The following CD22 variants were observed in gnomAD, a reference collection of about 807,000 sequenced individuals.
The protein encoded by CD22 is CD22 molecule.
In CD22, 51 loss-of-function variants were observed where a neutral mutation model predicts 94.7. The ratio of observed to expected loss-of-function variants is 0.54; its 90% CI spans 0.43 to 0.68. CD22 has a LOEUF of 0.68. CD22 is among the 30% of genes least tolerant of loss of function. CD22 has a pLI of 0.00. For missense variants in CD22, 931 were observed against 1,060.4 expected (o/e 0.88, Z 1.69); for synonymous variants, 424 against 422.5 (o/e 1.00, Z -0.04).
chr19:35,345,623 G>C lies in CD22; in HGVS notation c.2230G>C (p.Glu744Gln), dbSNP rs1333971866. 1 of 1,611,928 alleles carries C rather than the reference G, an allele frequency of 6.2e-7. No individual in the cohort carries two copies. The highest frequency in any genetic ancestry group is 1.7e-5 in the Admixed American group (1 of 59,986). ...CCAGGTTAGAAGGGCCCCCCTCTCTGAAGGCCCCCACTCCCTGGGATGCTA... is the reference window on the plus strand; with the variant it reads ...CCAGGTTAGAAGGGCCCCCCTCTCTCAAGGCCCCCACTCCCTGGGATGCTA... The part of the protein sequence containing the change: ...NKKVRRAPLS[E>Q]GPHSLGCYNP... Residue 744 changes from glutamate to glutamine, a missense_variant, in exon 12 of 14, where the codon GAA becomes CAA. Coordinates refer to ENST00000085219, the MANE Select transcript of CD22 (RefSeq NM_001771.4).
chr19:35,336,044 T>C lies in CD22; in HGVS notation c.421T>C (p.Phe141Leu). The C allele has an allele frequency of 6.2e-7, 1 of 1,613,050 alleles. No individual in the cohort carries two copies. Among genetic ancestry groups the C allele is most frequent in the South Asian group, 1.1e-5 (1 of 91,014 alleles). The change falls in exon 4 of 14, where the codon TTT becomes CTT. Residue 141 changes from phenylalanine to leucine, a missense_variant. Coordinates refer to ENST00000085219, the MANE Select transcript of CD22 (RefSeq NM_001771.4). The part of the protein sequence containing the change: ...RIHLNVSERP[F>L]PPHIQLPPEI... ...GCTCTGTTCTTTTGCAGAAAGGCCT[T>C]TTCCACCTCATATCCAGCTCCCTCC...
intron 6 of CD22, among the ~76,000 whole-genome samples, 164 bp from the exon 7 acceptor site, chr19:35,340,717 T>A (rs2145668932): frequency 6.6e-6 from 1 of 152,302 alleles, no homozygotes; most frequent in South Asian, 2.1e-4. Context: ...CAGGGCAGGG[T>A]TTCTGTTCTC....
In CD22 at chr19:35,332,685, T is replaced by C; in HGVS notation, c.173T>C (p.Leu58Pro). 1 of 1,614,178 alleles carries C rather than the reference T, an allele frequency of 6.2e-7. No individual in the cohort carries two copies. The highest frequency in any genetic ancestry group is 8.5e-7 in the Non-Finnish European group (1 of 1,180,042). The change falls in exon 3 of 14, where the codon CTG becomes CCG. Residue 58 changes from leucine to proline, a missense_variant. Physicochemically the swap from Leu to Pro is moderately conservative, Grantham distance 98 (BLOSUM62 -3). Transcript: ENST00000085219. Reference sequence around the variant, plus strand: ...GATGGTGACCTGGAAAGCTTCATCCTGTTCCACAATCCTGAGTATAACAAG... The same window carrying C: ...GATGGTGACCTGGAAAGCTTCATCCCGTTCCACAATCCTGAGTATAACAAG... ...ALDGDLESFI[L>P]FHNPEYNKNT...
Position 35,347,059 on chromosome 19 carries a change from A to C in CD22, c.*362A>C. 1 of 196,446 alleles carries C rather than the reference A, an allele frequency of 5.1e-6. No individual in the cohort carries two copies. Among genetic ancestry groups the C allele is most frequent in the South Asian group, 9.4e-5 (1 of 10,672 alleles). The allele number at this position is 196,446 out of a possible 1,614,324, so 12.2% of individuals were successfully genotyped here. A position where few individuals can be genotyped will look rare whatever the true frequency, so the allele number is the denominator to read the frequency against. On this transcript the variant is annotated 3_prime_UTR_variant, in exon 14 of 14. Coordinates refer to ENST00000085219, the MANE Select transcript of CD22 (RefSeq NM_001771.4). The stretch of plus-strand genomic sequence containing the variant: ...TCCCTCCTGGGATCTGCTCGTCATC[A>C]TTTTTCCTTCCCTTCTCCATCTCTC...
chr19:35,346,798 GCGCA>G lies in CD22; in HGVS notation c.*103_*106del. 1 of 1,037,972 alleles carries G rather than the reference GCGCA, an allele frequency of 9.6e-7. No individual in the cohort carries two copies. 64.3% of individuals were successfully genotyped at this position (1,037,972 alleles called of 1,614,324 possible). On this transcript the variant is annotated 3_prime_UTR_variant, in exon 14 of 14. Coordinates refer to ENST00000085219, the MANE Select transcript of CD22 (RefSeq NM_001771.4). ...ACATGGCTTCCTCCTGCGCGCATGT[GCGCA>G]CACACACACACACACGCACACACAC...
chr19:35,344,186 ACT>A (rs2066863716), intron 9 of CD22, among the ~76,000 whole-genome samples: 1 of 120,812 alleles, frequency 8.3e-6, no homozygotes, highest in East Asian at 3.2e-4. Context: ...AAAGAGCGAG[ACT>A]CTGTCTCAAT....
Position 35,337,347 on chromosome 19 carries a change from G to T in CD22, c.719-408G>T, listed in dbSNP as rs151040060. Among the ~76,000 whole-genome samples, 5 of 152,312 alleles carry T rather than the reference G, an allele frequency of 3.3e-5. No individual in the cohort carries two copies. In the East Asian group the frequency reaches 9.7e-4, roughly 29 times the overall value. ...GGATTTCAGGGAAAGAGAAGGGCAG[G>T]TTCAAAGCTTTGAGGCAGCAGCTGG... On this transcript the variant is annotated intron_variant, in intron 4 of 13. Coordinates refer to ENST00000085219, the MANE Select transcript of CD22 (RefSeq NM_001771.4). This position sits in a 1 kb window ranked among gnomAD's most constrained non-coding sequence, Gnocchi z 4.4.
At position 35,329,191 on chromosome 19, in the gene CD22, G is replaced by T; in HGVS notation, c.-62G>T. ...TGTACTTCTCCTTTTGCTCTCAGAT[G>T]CTGCCAGGGTCCCTGAAGAGGGAAG... On this transcript the variant is annotated 5_prime_UTR_variant, in exon 1 of 14. The change abolishes an upstream ATG in the 5' untranslated region. Transcript: ENST00000085219. 3.9e-6 allele frequency: 5 copies of T among 1,289,560 alleles called. No individual in the cohort carries two copies. Among genetic ancestry groups the T allele is most frequent in the Non-Finnish European group, 4.0e-6 (4 of 988,654 alleles). The allele number at this position is 1,289,560 out of a possible 1,614,324, so 79.9% of individuals were successfully genotyped here. A position where few individuals can be genotyped will look rare whatever the true frequency, so the allele number is the denominator to read the frequency against.
Position 35,333,129 on chromosome 19 carries a change from TCTGGGAC to T in CD22, c.412+210_412+216del, listed in dbSNP as rs998164300. 2.0e-5 allele frequency: 11 copies of T among 549,164 alleles called. No homozygotes were observed. The African/African-American group carries it at 2.1e-4, about 10-fold the overall frequency. The allele number at this position is 549,164 out of a possible 1,614,324, so 34.0% of individuals were successfully genotyped here. A position where few individuals can be genotyped will look rare whatever the true frequency, so the allele number is the denominator to read the frequency against. The stretch of plus-strand genomic sequence containing the variant: ...CCATCTGACCCTCAGTTCCTGCCCC[TCTGGGAC>T]CTGGATTCCAAAGTTATCGGATCTC... On this transcript the variant is annotated intron_variant, in intron 3 of 13. Transcript: ENST00000085219.
rs2066804648 is a variant in CD22, at chr19:35,341,319, C to T, written c.1508-24C>T. Reference sequence around the variant, plus strand: ...CAAAAGGGACAGGGAGCGGAGAGGTCAGCTTGGGACCCTTGCCCTCCAGAT... The same window carrying T: ...CAAAAGGGACAGGGAGCGGAGAGGTTAGCTTGGGACCCTTGCCCTCCAGAT... On this transcript the variant is annotated intron_variant, in intron 7 of 13. Transcript: ENST00000085219. This position sits in a 1 kb window ranked among gnomAD's most constrained non-coding sequence, Gnocchi z 4.0. The T allele has an allele frequency of 1.2e-6, 2 of 1,609,656 alleles. No homozygotes were observed. The highest frequency in any genetic ancestry group is 2.2e-5 in the South Asian group (2 of 90,938).
rs1426372127 is a variant in CD22 at position 35,332,797 on chromosome 19, G to C, written c.285G>C (p.Leu95=). 3.7e-6 allele frequency: 6 copies of C among 1,614,198 alleles called. No homozygotes were observed. The highest frequency in any genetic ancestry group is 5.1e-6 in the Non-Finnish European group (6 of 1,180,026). ...VPSEQKRVQF[L]GDKNKNCTLS... is the part of the protein sequence containing the mutation. ...CTGAGCAGAAAAGGGTGCAATTCCT[G>C]GGAGACAAGAATAAGAACTGCACAC... Residue 95 remains leucine, a synonymous_variant, in exon 3 of 14, where the codon CTG becomes CTC. Transcript: ENST00000085219.
At chr19:35,331,673 A>AC in intron 1 of CD22, 1 of 248,790 alleles carries the variant, frequency 4.0e-6, no homozygotes, top group East Asian at 1.2e-4. Context: ...ACATGGTGAA[A>AC]CCCCATCTCT....
chr19:35,345,488 G>T (rs752897585), intron 11 of CD22, 114 bp from the exon 12 acceptor site: 1 of 674,920 alleles, frequency 1.5e-6, no homozygotes, highest in Non-Finnish European at 2.6e-6. Flanking sequence ...GGGGAAACAA[G>T]GTGAAGGAAG....
rs2066743680 is a variant in CD22 at position 35,337,617 on chromosome 19, C to T, written c.719-138C>T. On this transcript the variant is annotated intron_variant, in intron 4 of 13. Transcript: ENST00000085219. This position sits in a 1 kb window ranked among gnomAD's most constrained non-coding sequence, Gnocchi z 4.4. Reference sequence around the variant, plus strand: ...GGAAGTGGGAGGGGGAAGCTGAGAGCCGAGTTAGGAGGCTGTGACCATCAC... The same window carrying T: ...GGAAGTGGGAGGGGGAAGCTGAGAGTCGAGTTAGGAGGCTGTGACCATCAC... The T allele has an allele frequency of 1.4e-6, 1 of 725,804 alleles. No homozygotes were observed. Among genetic ancestry groups the T allele is most frequent in the Non-Finnish European group, 2.2e-6 (1 of 453,190 alleles). 45.0% of individuals were successfully genotyped at this position (725,804 alleles called of 1,614,324 possible). A position where few individuals can be genotyped will look rare whatever the true frequency, so the allele number is the denominator to read the frequency against.
rs1299901420 is a variant in CD22 at position 35,338,014 on chromosome 19, A to G, written c.978A>G (p.Gln326=). The G allele has an allele frequency of 1.9e-6, 3 of 1,609,446 alleles. 1 individual carries two copies. In the South Asian group the frequency reaches 3.3e-5, roughly 18 times the overall value. Residue 326 remains glutamine, a synonymous_variant, in exon 5 of 14, where the codon CAA becomes CAG. Transcript: ENST00000085219. The part of the protein sequence containing the change: ...GPGRSEEVFL[Q]VQYAPEPSTV... Reference sequence around the variant, plus strand: ...GAAGGTCGGAAGAAGTGTTCCTGCAAGTGCAGTGTGAGCCCCTCGGAGCTG... The same window carrying G: ...GAAGGTCGGAAGAAGTGTTCCTGCAGGTGCAGTGTGAGCCCCTCGGAGCTG...
chr19:35,341,739 G>A lies in CD22; in HGVS notation c.1809G>A (p.Gly603=), dbSNP rs1168060642. The change falls in exon 9 of 14, where the codon GGG becomes GGA. Residue 603 remains glycine (G), a synonymous_variant. Transcript: ENST00000085219. This position sits in a 1 kb window ranked among gnomAD's most constrained non-coding sequence, Gnocchi z 4.0. ...GGCTGCGTGTGTCCATGAGCCCGGG[G>A]GACCAAGTGATGGAGGGGAAGAGTG... is the stretch of plus-strand genomic sequence containing the variant. The part of the protein sequence containing the change: ...PRRLRVSMSP[G]DQVMEGKSAT... The A allele has an allele frequency of 1.2e-6, 2 of 1,611,192 alleles. No homozygotes were observed. The highest frequency in any genetic ancestry group is 2.7e-5 in the African/African-American group (2 of 74,918).
In CD22 at chr19:35,336,039, G is replaced by A. The variant is rs1435272992; in HGVS notation, c.416G>A (p.Arg139Lys). The A allele has an allele frequency of 1.2e-6, 2 of 1,612,394 alleles. No individual in the cohort carries two copies. Among genetic ancestry groups the A allele is most frequent in the South Asian group, 1.1e-5 (1 of 91,000 alleles). ...MERIHLNVSE[R>K]PFPPHIQLPP... ...CACGGGCTCTGTTCTTTTGCAGAAAGGCCTTTTCCACCTCATATCCAGCTC... is the reference window on the plus strand; with the variant it reads ...CACGGGCTCTGTTCTTTTGCAGAAAAGCCTTTTCCACCTCATATCCAGCTC... Residue 139 changes from arginine (R) to lysine (K), a missense_variant, in exon 4 of 14, where the codon AGG (arginine) becomes AAG (lysine). Coordinates refer to ENST00000085219, the MANE Select transcript of CD22 (RefSeq NM_001771.4).
chr19:35,331,852 A>T, intron 1 of CD22, 167 bp from the exon 2 acceptor site: 1 of 1,412,720 alleles, frequency 7.1e-7, no homozygotes, highest in Non-Finnish European at 9.4e-7. Flanking sequence ...GTCTCAAAAA[A>T]AAAGAAAGAA....
Position 35,338,426 on chromosome 19 carries a change from T to C in CD22, c.1244T>C (p.Val415Ala). The C allele has an allele frequency of 1.2e-6, 2 of 1,612,174 alleles. No homozygotes were observed. Among genetic ancestry groups the C allele is most frequent in the Non-Finnish European group, 1.7e-6 (2 of 1,178,674 alleles). Residue 415 changes from valine to alanine, a missense_variant, in exon 6 of 14, where the codon GTC becomes GCC. Coordinates refer to ENST00000085219, the MANE Select transcript of CD22 (RefSeq NM_001771.4). ...AGGGGCCCGGGAGCTGAGCTGGATG[T>C]CCAGTGTGAGTAGCCACGGAGCCTC... ...GQRGPGAELD[V>A]QYPPKKVTTV...
Sources: gnomAD v4.1 joint callset for allele counts (sites outside exome capture counted in the v4.1 genomes callset) on GRCh38, gnomAD v4.1.1 for gene constraint, Gnocchi (gnomAD v3.1) non-coding constraint, MANE v1.5 for transcripts, NCBI Gene and HGNC (gene_info 2026-07-23, HGNC 2026-07-21) for gene names.